The following KCTD16 variants were observed in gnomAD, a reference collection of about 807,000 sequenced individuals.
The protein encoded by KCTD16 is potassium channel tetramerization domain containing 16, also known as BTB/POZ domain-containing protein KCTD16.
KCTD16 carries 13 observed loss-of-function variants against 33.2 expected under a neutral mutation model. The observed-to-expected ratio is 0.39, with a 90% confidence interval of 0.25 to 0.62. The LOEUF (loss-of-function observed/expected upper bound fraction) is 0.62, where lower values mean the gene tolerates loss of function less well. Among genes scored for constraint, KCTD16 ranks in the 20% least tolerant of loss-of-function variants. The pLI is 0.50. For missense variants in KCTD16, 441 were observed against 525.1 expected (o/e 0.84, Z 1.57); for synonymous variants, 197 against 195.3 (o/e 1.01, Z -0.07).
chr5:144,173,412 T>A (rs567586153), intron 1 of KCTD16, among the ~76,000 whole-genome samples: 1 of 152,218 alleles, frequency 6.6e-6, no homozygotes, highest in South Asian at 2.1e-4. Flanking sequence ...ATTCTCCTTA[T>A]AAGTATGAGC....
Position 144,248,581 on chromosome 5 carries a change from T to C in KCTD16, c.832+41035T>C, listed in dbSNP as rs187952347. On this transcript the variant is annotated intron_variant, in intron 3 of 3. Transcript: ENST00000512467. ...CTCCCTCTGGCTGCTCTTTTGAAAA[T>C]AGACTGTCGAGAGATGTGGTTGGGA... Among the ~76,000 whole-genome samples the C allele has an allele frequency of 4.1e-3, 625 of 152,256 alleles. 7 individuals carry two copies. Among genetic ancestry groups the C allele is most frequent in the Non-Finnish European group, 3.8e-3 (260 of 68,002 alleles).
At chr5:144,172,147 T>A (rs1427453122) in intron 1 of KCTD16, among the ~76,000 whole-genome samples, 6 of 150,098 alleles carry the variant, frequency 4.0e-5, no homozygotes, top group African/African-American at 1.2e-4. Flanking sequence ...GAAAACGCAC[T>A]CCCCTCCAAA....
intron 3 of KCTD16, among the ~76,000 whole-genome samples, chr5:144,320,552 T>G (rs527690824): frequency 6.6e-6 from 1 of 152,292 alleles, no homozygotes; most frequent in Admixed American, 6.5e-5. Context: ...AAACTTGTGA[T>G]TTAATGTTTA....
intron 3 of KCTD16, among the ~76,000 whole-genome samples, chr5:144,275,309 A>T (rs1010669302): frequency 6.6e-6 from 1 of 152,090 alleles, no homozygotes; most frequent in Non-Finnish European, 1.5e-5. Context: ...TTTGCACTTA[A>T]TTATGCAAAA....
intron 3 of KCTD16, among the ~76,000 whole-genome samples, chr5:144,343,281 T>C (rs1301706357): frequency 6.6e-6 from 1 of 152,124 alleles, no homozygotes; most frequent in Non-Finnish European, 1.5e-5. Flanking sequence ...ATTCAGAGAT[T>C]CAACTTCTTC....
At chr5:144,227,165 T>C (rs1262058116) in intron 3 of KCTD16, among the ~76,000 whole-genome samples, 1 of 152,192 alleles carries the variant, frequency 6.6e-6, no homozygotes, top group Non-Finnish European at 1.5e-5. Flanking sequence ...CAAGGATATG[T>C]AGATAAACAC....
chr5:144,259,085 C>T (rs1026251045), intron 3 of KCTD16, among the ~76,000 whole-genome samples: 3 of 151,890 alleles, frequency 2.0e-5, no homozygotes, highest in East Asian at 1.9e-4. Flanking sequence ...GGTGAAACCC[C>T]GTCTCTACTA....
At chr5:144,185,118 C>G (rs7715678) in intron 2 of KCTD16, among the ~76,000 whole-genome samples, 23,183 of 152,180 alleles carry the variant, frequency 0.15, 1,931 homozygotes, top group Admixed American at 0.25. Flanking sequence ...CAGAGGAAGA[C>G]AGAGGCAGAG....
intron 3 of KCTD16, among the ~76,000 whole-genome samples, chr5:144,299,817 AT>A (rs1434878645): frequency 6.6e-6 from 1 of 151,862 alleles, no homozygotes. Flanking sequence ...TTAAGTATGA[AT>A]AACCTTACTT....
intron 2 of KCTD16, among the ~76,000 whole-genome samples, chr5:144,186,172 A>G (rs1382685718): frequency 6.6e-6 from 1 of 152,192 alleles, no homozygotes; most frequent in Non-Finnish European, 1.5e-5. Flanking sequence ...CAAAAGAAAC[A>G]GAATAATTCA....
chr5:144,295,999 A>C (rs1461019894), intron 3 of KCTD16, among the ~76,000 whole-genome samples: 1 of 152,208 alleles, frequency 6.6e-6, no homozygotes, highest in African/African-American at 2.4e-5. Context: ...TAAGGTAATA[A>C]ATTTTCATTG....
intron 3 of KCTD16, among the ~76,000 whole-genome samples, chr5:144,242,519 T>C (rs1226044816): frequency 1.7e-4 from 26 of 152,218 alleles, no homozygotes; most frequent in Non-Finnish European, 8.8e-5. Context: ...CAGTCAATAC[T>C]AATTAATGTA....
At chr5:144,298,925 C>G (rs1394175739) in intron 3 of KCTD16, among the ~76,000 whole-genome samples, 1 of 149,124 alleles carries the variant, frequency 6.7e-6, no homozygotes, top group Non-Finnish European at 1.5e-5. Flanking sequence ...CCTCTCCAGG[C>G]TTCTTTCACC....
chr5:144,284,876 C>G (rs929580768), intron 3 of KCTD16, among the ~76,000 whole-genome samples: 8 of 152,300 alleles, frequency 5.3e-5, no homozygotes, highest in Admixed American at 2.0e-4. Flanking sequence ...AAAACTCTCA[C>G]CATAAACTGG....
chr5:144,323,936 T>C (rs1220826902), intron 3 of KCTD16, among the ~76,000 whole-genome samples: 1 of 152,188 alleles, frequency 6.6e-6, no homozygotes, highest in Non-Finnish European at 1.5e-5. Context: ...CTTCATGTAC[T>C]GTGACTACAA....
At chr5:144,239,318 A>G (rs1754337954) in intron 3 of KCTD16, among the ~76,000 whole-genome samples, 1 of 152,150 alleles carries the variant, frequency 6.6e-6, no homozygotes, top group South Asian at 2.1e-4. Context: ...AAGTTTGGGT[A>G]AGTTTCTGAG....
chr5:144,221,403 G>T (rs1753744605), intron 3 of KCTD16, among the ~76,000 whole-genome samples: 1 of 152,072 alleles, frequency 6.6e-6, no homozygotes, highest in African/African-American at 2.4e-5. Flanking sequence ...TTCTCCTAAT[G>T]TTATGACTCC....
intron 3 of KCTD16, among the ~76,000 whole-genome samples, chr5:144,311,621 A>C (rs1751768967): frequency 6.6e-6 from 1 of 152,218 alleles, no homozygotes. Flanking sequence ...ATTACAAATT[A>C]TGTGGTAGAA....
At chr5:144,322,739 A>C (rs746833321) in intron 3 of KCTD16, among the ~76,000 whole-genome samples, 25 of 152,018 alleles carry the variant, frequency 1.6e-4, no homozygotes, top group Non-Finnish European at 3.4e-4. Context: ...AAAAAAAAAA[A>C]AACAAAAACT....
Sources: allele counts gnomAD v4.1 joint callset (sites outside exome capture counted in the v4.1 genomes callset), GRCh38; gene constraint gnomAD v4.1.1; transcripts MANE v1.5; gene names NCBI Gene and HGNC (gene_info 2026-07-23, HGNC 2026-07-21).